The following MRPS11 variants were observed in gnomAD, a reference collection of about 807,000 sequenced individuals.
MRPS11 encodes mitochondrial ribosomal protein S11.
In MRPS11, 27 loss-of-function variants were observed where a neutral mutation model predicts 24.3. That is an observed-to-expected ratio of 1.11 (90% CI 0.82 to 1.53). The LOEUF (loss-of-function observed/expected upper bound fraction) is 1.53. Among genes scored for constraint, MRPS11 ranks in the 40% most tolerant of loss-of-function variants. The pLI is 0.00. For missense variants in MRPS11, 277 were observed against 256.5 expected, an observed-to-expected ratio of 1.08 and a Z score of -0.55; for synonymous variants, 104 against 98.7, an observed-to-expected ratio of 1.05 and a Z score of -0.32.
In MRPS11 at chr15:88,478,568, G is replaced by A. The variant is rs1034956665; in HGVS notation, c.*589G>A. The A allele has an allele frequency of 1.3e-5, 2 of 154,364 alleles. No homozygotes were observed. Among genetic ancestry groups the A allele is most frequent in the African/African-American group, 4.8e-5 (2 of 41,440 alleles). The allele number at this position is 154,364 out of a possible 1,614,324, so 9.6% of individuals were successfully genotyped here. A position where few individuals can be genotyped will look rare whatever the true frequency, so the allele number is the denominator to read the frequency against. On this transcript the variant is annotated 3_prime_UTR_variant, in exon 6 of 6. Coordinates refer to ENST00000325844, the MANE Select transcript of MRPS11 (RefSeq NM_022839.5). This position sits in a 1 kb window ranked among gnomAD's most constrained non-coding sequence, Gnocchi z 4.7. ...ATGTTTAAAGTTAGCCCTAAACACA[G>A]GATTTTCTACAAGTGGACAGTCAAA...
rs80007065 is a variant in MRPS11, at chr15:88,469,489, G to A, written c.182+1465G>A. Among the ~76,000 whole-genome samples the A allele has an allele frequency of 3.2e-4, 48 of 152,270 alleles. 1 individual carries two copies. In the East Asian group the frequency reaches 6.2e-3, roughly 20 times the overall value. ...AACAAGTAAAATGTAGGAGTATAAC[G>A]GTTGGAAAGGGGAAGTGGGGGTCAA... On this transcript the variant is annotated intron_variant, in intron 2 of 5. Transcript: ENST00000325844. The surrounding 1 kb of genome is among the most constrained non-coding windows in gnomAD (Gnocchi z 4.4).
At chr15:88,474,483 C>T (rs550185579) in intron 3 of MRPS11, among the ~76,000 whole-genome samples, 2 of 150,632 alleles carry the variant, frequency 1.3e-5, no homozygotes, top group South Asian at 2.1e-4. Context: ...CACTTGAACC[C>T]GGGAGGCGGA....
intron 3 of MRPS11, among the ~76,000 whole-genome samples, chr15:88,472,955 T>C (rs545988985): frequency 1.3e-5 from 2 of 152,326 alleles, no homozygotes; most frequent in East Asian, 3.9e-4. Flanking sequence ...TTATAAGAAT[T>C]CTTTGCTTTC....
At chr15:88,474,347 G>A (rs961183578) in intron 3 of MRPS11, among the ~76,000 whole-genome samples, 5 of 152,112 alleles carry the variant, frequency 3.3e-5, no homozygotes, top group African/African-American at 1.2e-4. Flanking sequence ...ATCACCTGAG[G>A]TCGGGAGTTC....
chr15:88,473,200 G>C (rs1165685343), intron 3 of MRPS11, among the ~76,000 whole-genome samples: 3 of 152,220 alleles, frequency 2.0e-5, no homozygotes, highest in African/African-American at 7.2e-5. Context: ...CTGTGCACTG[G>C]CCTCCACCTT....
Position 88,469,287 on chromosome 15 carries a change from C to G in MRPS11, c.182+1263C>G, listed in dbSNP as rs975338481. The G allele has an allele frequency of 2.6e-5, 4 of 152,128 alleles. No homozygotes were observed. The East Asian group carries it at 7.7e-4, about 29-fold the overall frequency. 9.4% of individuals were successfully genotyped at this position (152,128 alleles called of 1,614,324 possible). On this transcript the variant is annotated intron_variant, in intron 2 of 5. Transcript: ENST00000325844. The surrounding 1 kb of genome is among the most constrained non-coding windows in gnomAD (Gnocchi z 4.4). Reference sequence around the variant, plus strand: ...GTCACACTGGAGCTTTTACGCTGTCCCCACTGAAGGCAGTGAGGAGCTGCT... The same window carrying G: ...GTCACACTGGAGCTTTTACGCTGTCGCCACTGAAGGCAGTGAGGAGCTGCT...
intron 3 of MRPS11, among the ~76,000 whole-genome samples, chr15:88,473,230 G>A (rs9920988): frequency 0.067 from 10,160 of 152,256 alleles, 1,173 homozygotes; most frequent in African/African-American, 0.23. Flanking sequence ...AATGTGGATG[G>A]TGAGTTTAAA....
chr15:88,467,783 G>C lies in MRPS11; in HGVS notation c.65+1G>C. On this transcript the variant is annotated splice_donor_variant, in intron 1 of 5. Coordinates refer to ENST00000325844, the MANE Select transcript of MRPS11 (RefSeq NM_022839.5). LOFTEE classifies it high-confidence loss of function. ...CCTGGACTTGGCCCCAGACAGCCGG[G>C]TAACAAATGACTGCCCCCTCGAGCC... The C allele has an allele frequency of 6.2e-7, 1 of 1,614,102 alleles. No individual in the cohort carries two copies. Among genetic ancestry groups the C allele is most frequent in the South Asian group, 1.1e-5 (1 of 91,076 alleles).
Position 88,472,729 on chromosome 15 carries a change from A to C in MRPS11, c.281+4A>C. The C allele has an allele frequency of 6.2e-7, 1 of 1,606,740 alleles. No individual in the cohort carries two copies. Among genetic ancestry groups the C allele is most frequent in the Non-Finnish European group, 8.5e-7 (1 of 1,173,680 alleles). ...ACATTAAAGCATCCCACAACAAGTA[A>C]GTGGGAAGGGAAACACTGGGCAGGT... On this transcript the variant is annotated splice_donor_region_variant and intron_variant, in intron 3 of 5. Coordinates refer to ENST00000325844, the MANE Select transcript of MRPS11 (RefSeq NM_022839.5).
In MRPS11 at chr15:88,477,920, A is replaced by ACAGACAACACCCCAATCC; in HGVS notation, c.529_546dup (p.Asp177_Pro182dup). 6.2e-7 allele frequency: 1 copy of ACAGACAACACCCCAATCC among 1,614,154 alleles called. No individual in the cohort carries two copies. The highest frequency in any genetic ancestry group is 8.5e-7 in the Non-Finnish European group (1 of 1,180,026). On this transcript the variant is annotated inframe_insertion, in exon 6 of 6. Transcript: ENST00000325844. The surrounding 1 kb of genome is among the most constrained non-coding windows in gnomAD (Gnocchi z 5.7). ...GGGCGGCCTGGAAGTGATCTCAATCACAGACAACACCCCAATCCCACACAA... is the reference window on the plus strand; with the variant it reads ...GGGCGGCCTGGAAGTGATCTCAATCACAGACAACACCCCAATCCCAGACAACACCCCAATCCCACACAA...
In MRPS11 at chr15:88,477,861, G is replaced by A. The variant is rs749381529; in HGVS notation, c.478-11G>A. On this transcript the variant is annotated splice_polypyrimidine_tract_variant and intron_variant, in intron 5 of 5. Transcript: ENST00000325844. This position sits in a 1 kb window ranked among gnomAD's most constrained non-coding sequence, Gnocchi z 5.7. ...ACCATGTCATTCTACTTTTCCTTCTGTTCCTTCCAGTCTGCCATGCACGGA... is the reference window on the plus strand; with the variant it reads ...ACCATGTCATTCTACTTTTCCTTCTATTCCTTCCAGTCTGCCATGCACGGA... 7 of 1,611,722 alleles carry A rather than the reference G, an allele frequency of 4.3e-6. No homozygotes were observed. The highest frequency in any genetic ancestry group is 1.3e-5 in the African/African-American group (1 of 74,826).
intron 2 of MRPS11, chr15:88,468,846 C>T (rs1489620135): frequency 3.3e-5 from 5 of 152,184 alleles, no homozygotes; most frequent in Admixed American, 1.3e-4. Flanking sequence ...CCCGTCTCCA[C>T]TAAAAGCACA....
Position 88,468,069 on chromosome 15 carries a change from ACT to A in MRPS11, c.182+48_182+49del, listed in dbSNP as rs769035777. 9.0e-6 allele frequency: 14 copies of A among 1,559,926 alleles called. No individual in the cohort carries two copies. The South Asian group carries it at 1.5e-4, about 17-fold the overall frequency. On this transcript the variant is annotated intron_variant, in intron 2 of 5. Transcript: ENST00000325844. ...GCCCTCTGGAGACCCGCAACCCCTGACTCTTGCCCGACACCCTCCAGAGTCAG... is the reference window on the plus strand; with the variant it reads ...GCCCTCTGGAGACCCGCAACCCCTGACTTGCCCGACACCCTCCAGAGTCAG...
At chr15:88,476,944 CA>C in intron 4 of MRPS11, 44 bp from the exon 5 acceptor site, 2 of 1,589,080 alleles carry the variant, frequency 1.3e-6, no homozygotes, top group South Asian at 2.3e-5. Flanking sequence ...GATTTGGATG[CA>C]GTAGTTCTCT....
chr15:88,476,821 C>G, intron 4 of MRPS11, 168 bp from the exon 5 acceptor site: 1 of 627,054 alleles, frequency 1.6e-6, no homozygotes. Flanking sequence ...TCTGTGGTCT[C>G]TGCTGGCGCC....
chr15:88,474,575 G>C (rs2055782840), intron 3 of MRPS11, among the ~76,000 whole-genome samples: 1 of 145,418 alleles, frequency 6.9e-6, no homozygotes, highest in Non-Finnish European at 1.5e-5. Flanking sequence ...AAAAAAAGTA[G>C]CCAATATGGT....
Position 88,478,207 on chromosome 15 carries a change from A to G in MRPS11, c.*228A>G. On this transcript the variant is annotated 3_prime_UTR_variant, in exon 6 of 6. Coordinates refer to ENST00000325844, the MANE Select transcript of MRPS11 (RefSeq NM_022839.5). The surrounding 1 kb of genome is among the most constrained non-coding windows in gnomAD (Gnocchi z 4.7). ...CTTACAAGAGGGGAGCTACAGGGGC[A>G]GCCGTGGCCTAGGCCCAAACTCTGC... 1 of 569,210 alleles carries G rather than the reference A, an allele frequency of 1.8e-6. No homozygotes were observed. Among genetic ancestry groups the G allele is most frequent in the Non-Finnish European group, 3.1e-6 (1 of 319,220 alleles). The allele number at this position is 569,210 out of a possible 1,614,324, so 35.3% of individuals were successfully genotyped here.
rs760431055 is a variant in MRPS11 at position 88,477,057 on chromosome 15, A to C, written c.477+3A>C. 6.2e-7 allele frequency: 1 copy of C among 1,613,808 alleles called. No homozygotes were observed. Among genetic ancestry groups the C allele is most frequent in the Non-Finnish European group, 8.5e-7 (1 of 1,179,924 alleles). Reference sequence around the variant, plus strand: ...AAGGCCTGGGGCCAGGACGCTTGGTAAGTTACAGTGATTTCCATAGTGTAC... The same window carrying C: ...AAGGCCTGGGGCCAGGACGCTTGGTCAGTTACAGTGATTTCCATAGTGTAC... On this transcript the variant is annotated splice_donor_region_variant and intron_variant, in intron 5 of 5. Transcript: ENST00000325844. This position sits in a 1 kb window ranked among gnomAD's most constrained non-coding sequence, Gnocchi z 5.7.
chr15:88,468,380 A>G (rs2055601258), intron 2 of MRPS11: 1 of 1,119,046 alleles, frequency 8.9e-7, no homozygotes, highest in African/African-American at 1.6e-5. Flanking sequence ...AGAGGGCGCT[A>G]GCGATGGAAC....
Sources: gnomAD v4.1 joint callset for allele counts (sites outside exome capture counted in the v4.1 genomes callset) on GRCh38, gnomAD v4.1.1 for gene constraint, Gnocchi (gnomAD v3.1) non-coding constraint, MANE v1.5 for transcripts, NCBI Gene and HGNC (gene_info 2026-07-23, HGNC 2026-07-21) for gene names.